FXR1: variants seen among roughly 807,000 people sequenced by gnomAD.
FXR1 encodes the protein FMR1 autosomal homolog 1.
In FXR1, 15 loss-of-function variants were observed where a neutral mutation model predicts 84.0. That is an observed-to-expected ratio of 0.18 (90% CI 0.12 to 0.27). The LOEUF (loss-of-function observed/expected upper bound fraction) is 0.27, where lower values mean the gene tolerates loss of function less well. Ranked by LOEUF, FXR1 falls within the 10% of genes least tolerant of loss-of-function variation. FXR1 has a pLI of 1.00. For synonymous variants in FXR1, 245 were observed against 250.7 expected, an observed-to-expected ratio of 0.98 and a Z score of 0.21; for missense variants, 480 against 774.4, an observed-to-expected ratio of 0.62 and a Z score of 4.51.
At chr3:180,939,993 GT>G (rs1238276863) in intron 3 of FXR1, among the ~76,000 whole-genome samples, 1 of 152,104 alleles carries the variant, frequency 6.6e-6, no homozygotes, top group Non-Finnish European at 1.5e-5. Flanking sequence ...CTAACATTTT[GT>G]TACATTAAAA....
intron 1 of FXR1, among the ~76,000 whole-genome samples, chr3:180,921,839 C>G (rs938586727): frequency 4.6e-5 from 7 of 150,688 alleles, no homozygotes; most frequent in African/African-American, 1.7e-4. Context: ...ATTTTTTTTT[C>G]CCCTGGTTGC....
chr3:180,976,527 T>TAA lies in FXR1; in HGVS notation c.*242_*243dup. The TAA allele has an allele frequency of 6.5e-6, 1 of 153,992 alleles. No homozygotes were observed. Among genetic ancestry groups the TAA allele is most frequent in the Non-Finnish European group, 1.3e-5 (1 of 75,866 alleles). 9.5% of individuals were successfully genotyped at this position (153,992 alleles called of 1,614,324 possible). On this transcript the variant is annotated 3_prime_UTR_variant, in exon 17 of 17. Coordinates refer to ENST00000357559, the MANE Select transcript of FXR1 (RefSeq NM_005087.4). ...GCCTTGAGAATAGTATATGTAACATTAAAAAAAAGTTGCTGGCTATAGGAA... is the reference window on the plus strand; with the variant it reads ...GCCTTGAGAATAGTATATGTAACATTAAAAAAAAAAGTTGCTGGCTATAGGAA...
chr3:180,982,701 A>T lies in FXR1; in HGVS notation c.*6409A>T, dbSNP rs921594161. On this transcript the variant is annotated 3_prime_UTR_variant, in exon 17 of 17. Transcript: ENST00000357559. The stretch of plus-strand genomic sequence containing the variant: ...TTCTTCATAAAGCTCTTGTTCAGAG[A>T]AACATTTTTTGATTTGTCCAATGGA... The T allele has an allele frequency of 5.3e-5, 8 of 152,158 alleles. No individual in the cohort carries two copies. The highest frequency in any genetic ancestry group is 1.0e-4 in the Non-Finnish European group (7 of 67,988). The allele number at this position is 152,158 out of a possible 1,614,324, so 9.4% of individuals were successfully genotyped here. A position where few individuals can be genotyped will look rare whatever the true frequency, so the allele number is the denominator to read the frequency against.
chr3:180,968,356 T>G, intron 14 of FXR1, 102 bp downstream of exon 14: 1 of 737,538 alleles, frequency 1.4e-6, no homozygotes, highest in Non-Finnish European at 2.3e-6. Flanking sequence ...GAAGTTTCTC[T>G]TGCTACTCAT....
intron 13 of FXR1, among the ~76,000 whole-genome samples, chr3:180,964,638 A>G (rs746795510): frequency 2.7e-5 from 4 of 149,088 alleles, no homozygotes; most frequent in African/African-American, 5.0e-5. Flanking sequence ...GTAGACGTTC[A>G]TGTATACATT....
chr3:180,931,023 C>CAT (rs1719820473), intron 1 of FXR1, among the ~76,000 whole-genome samples: 1 of 43,668 alleles, frequency 2.3e-5, no homozygotes, highest in African/African-American at 2.1e-4. Context: ...AGCGAGACTG[C>CAT]CTCAAAAAAA....
intron 9 of FXR1, among the ~76,000 whole-genome samples, chr3:180,954,873 T>C (rs955753634): frequency 5.9e-5 from 2 of 33,994 alleles, no homozygotes; most frequent in Non-Finnish European, 9.5e-5. Context: ...TCTAAAAAGA[T>C]TTTTTTTTTT....
Position 180,976,254 on chromosome 3 carries a change from A to G in FXR1, c.1828A>G (p.Asn610Asp), listed in dbSNP as rs1455845048. ...AAAGATTAATACCTTAAAAGAAGAAAACACTCAAGAAGCAGCAGTCCTGAA... is the reference window on the plus strand; with the variant it reads ...AAAGATTAATACCTTAAAAGAAGAAGACACTCAAGAAGCAGCAGTCCTGAA... ...EEKINTLKEE[N>D]TQEAAVLNGV... is the part of the protein sequence containing the mutation. Residue 610 changes from asparagine to aspartate, a missense_variant, in exon 17 of 17, where the codon AAC (asparagine) becomes GAC (aspartate). Physicochemically the swap from Asn to Asp is conservative, Grantham distance 23. Coordinates refer to ENST00000357559, the MANE Select transcript of FXR1 (RefSeq NM_005087.4). The G allele has an allele frequency of 1.2e-6, 2 of 1,611,988 alleles. No homozygotes were observed. The highest frequency in any genetic ancestry group is 2.2e-5 in the South Asian group (2 of 90,794).
At chr3:180,968,558 T>C (rs999975051) in intron 14 of FXR1, among the ~76,000 whole-genome samples, 2 of 152,192 alleles carry the variant, frequency 1.3e-5, no homozygotes, top group Admixed American at 1.3e-4. Flanking sequence ...TTGTTTTCCC[T>C]AGAATTTTGG....
At chr3:180,971,087 A>G (rs1713513267) in intron 15 of FXR1, 2 of 1,245,970 alleles carry the variant, frequency 1.6e-6, no homozygotes, top group Non-Finnish European at 1.0e-6. Context: ...GATAGTGAAA[A>G]AAAACCCCAG....
intron 3 of FXR1, among the ~76,000 whole-genome samples, chr3:180,942,375 C>G (rs1344611698): frequency 5.8e-5 from 2 of 34,744 alleles, no homozygotes; most frequent in African/African-American, 2.5e-4. Flanking sequence ...GAGACTCCGT[C>G]TCAAAAAAAA....
Position 180,979,278 on chromosome 3 carries a change from C to T in FXR1, c.*2986C>T, listed in dbSNP as rs1325012212. 1 of 151,992 alleles carries T rather than the reference C, an allele frequency of 6.6e-6. No individual in the cohort carries two copies. The highest frequency in any genetic ancestry group is 2.4e-5 in the African/African-American group (1 of 41,396). 9.4% of individuals were successfully genotyped at this position (151,992 alleles called of 1,614,324 possible). A position where few individuals can be genotyped will look rare whatever the true frequency, so the allele number is the denominator to read the frequency against. On this transcript the variant is annotated 3_prime_UTR_variant, in exon 17 of 17. Coordinates refer to ENST00000357559, the MANE Select transcript of FXR1 (RefSeq NM_005087.4). ...CAACTAGTGTTCTCATGGGCTGTTG[C>T]CTAAGGACAGATAAACATGGAAAAC...
At position 180,977,477 on chromosome 3, in the gene FXR1, C is replaced by T. The variant is rs1285001929; in HGVS notation, c.*1185C>T. ...GACAAGCAATTTTTAAATAATAGGC[C>T]AATGATTTGCTTTATTCATTCTCAA... On this transcript the variant is annotated 3_prime_UTR_variant, in exon 17 of 17. Coordinates refer to ENST00000357559, the MANE Select transcript of FXR1 (RefSeq NM_005087.4). 2 of 151,984 alleles carry T rather than the reference C, an allele frequency of 1.3e-5. No homozygotes were observed. The highest frequency in any genetic ancestry group is 2.9e-5 in the Non-Finnish European group (2 of 67,918). The allele number at this position is 151,984 out of a possible 1,614,324, so 9.4% of individuals were successfully genotyped here.
At chr3:180,937,305 A>G (rs1057184982) in intron 3 of FXR1, among the ~76,000 whole-genome samples, 3 of 152,096 alleles carry the variant, frequency 2.0e-5, no homozygotes, top group African/African-American at 7.2e-5. Context: ...TTAGACACTT[A>G]AAATTGGTAG....
At chr3:180,915,736 A>G (rs756870804) in intron 1 of FXR1, 97 of 688,798 alleles carry the variant, frequency 1.4e-4, no homozygotes, top group Non-Finnish European at 2.4e-4. Context: ...AAAGTCAGTT[A>G]TCATGCCTTG....
chr3:180,950,477 T>C (rs1461030878), intron 7 of FXR1, among the ~76,000 whole-genome samples: 1 of 152,224 alleles, frequency 6.6e-6, no homozygotes, highest in Non-Finnish European at 1.5e-5. Flanking sequence ...GGTTTTTTCT[T>C]CTTGGGTTTT....
rs758778428 is a variant in FXR1 at position 180,975,222 on chromosome 3, C to A, written c.1604-91C>A. The A allele has an allele frequency of 5.0e-5, 25 of 499,122 alleles. No homozygotes were observed. The Admixed American group carries it at 8.2e-4, about 16-fold the overall frequency. 30.9% of individuals were successfully genotyped at this position (499,122 alleles called of 1,614,324 possible). The stretch of plus-strand genomic sequence containing the variant: ...AAAATTTTGACACTGGGTGACCCAC[C>A]ACTAGTTTAATAGTGAAATTACCCT... On this transcript the variant is annotated intron_variant, in intron 15 of 16. Transcript: ENST00000357559.
At chr3:180,932,528 A>G (rs1248606994) in intron 1 of FXR1, among the ~76,000 whole-genome samples, 1 of 152,198 alleles carries the variant, frequency 6.6e-6, no homozygotes, top group Non-Finnish European at 1.5e-5. Context: ...TTTCTTGAGT[A>G]TGTCAGATCT....
chr3:180,941,836 A>T, intron 3 of FXR1, among the ~76,000 whole-genome samples: 1 of 152,196 alleles, frequency 6.6e-6, no homozygotes. Flanking sequence ...ATACATGTTC[A>T]TTCCAGATGT....
Sources: gnomAD v4.1 joint callset for allele counts (sites outside exome capture counted in the v4.1 genomes callset) on GRCh38, gnomAD v4.1.1 for gene constraint, MANE v1.5 for transcripts, NCBI Gene and HGNC (gene_info 2026-07-23, HGNC 2026-07-21) for gene names.